The following TNS3 variants were observed in gnomAD, a reference collection of about 807,000 sequenced individuals.
TNS3 encodes the protein tensin 3.
In TNS3, 45 loss-of-function variants were observed where a neutral mutation model predicts 140.9. The observed-to-expected ratio is 0.32, with a 90% CI of 0.25 to 0.41. TNS3 has a LOEUF of 0.41. Among genes scored for constraint, TNS3 ranks in the 10% least tolerant of loss-of-function variants. The probability of loss-of-function intolerance (pLI) is 1.00; values close to 1 mark genes in which losing one functional copy is unlikely to be tolerated. For missense variants in TNS3, 1,716 were observed against 1,906.7 expected (o/e 0.90, Z 1.86); for synonymous variants, 815 against 788.4 (o/e 1.03, Z -0.56).
chr7:47,400,309 C>A, intron 15 of TNS3, 84 bp downstream of exon 15: 1 of 1,084,644 alleles, frequency 9.2e-7, no homozygotes. Flanking sequence ...AGGCAGGAGA[C>A]TAGTACTACA....
At chr7:47,344,863 G>A in intron 19 of TNS3, 25 bp from the exon 20 acceptor site, 1 of 1,613,648 alleles carries the variant, frequency 6.2e-7, no homozygotes, top group Non-Finnish European at 8.5e-7. Context: ...AGAGCAAGGG[G>A]CTGTTGTCAC....
chr7:47,326,288 C>CAA lies in TNS3; in HGVS notation c.2650+18466_2650+18467insTT, dbSNP rs550569076. Among the ~76,000 whole-genome samples, 800 of 152,238 alleles carry CAA rather than the reference C, an allele frequency of 5.3e-3. 7 individuals are homozygous for CAA. Among genetic ancestry groups the CAA allele is most frequent in the Non-Finnish European group, 9.4e-3 (636 of 68,012 alleles). On this transcript the variant is annotated intron_variant, in intron 20 of 30. Coordinates refer to ENST00000311160, the MANE Select transcript of TNS3 (RefSeq NM_022748.12). ...GCAAATCATCTTATGGATGAGGAAA[C>CAA]AGATTCTGAAAAGTGAGGTTAAGAA...
chr7:47,411,437 C>T (rs184167947), intron 13 of TNS3, among the ~76,000 whole-genome samples: 41 of 152,240 alleles, frequency 2.7e-4, no homozygotes, highest in African/African-American at 9.6e-4. Flanking sequence ...ACACAGTTCA[C>T]AATAGGGTTC....
intron 4 of TNS3, among the ~76,000 whole-genome samples, chr7:47,478,673 A>G (rs906537172): frequency 5.3e-5 from 8 of 152,152 alleles, no homozygotes; most frequent in African/African-American, 1.9e-4. Context: ...ATACACTCAC[A>G]TATAAAGACT....
intron 8 of TNS3, among the ~76,000 whole-genome samples, 200 bp from the exon 9 acceptor site, chr7:47,428,576 G>A (rs1481135975): frequency 1.3e-5 from 2 of 152,196 alleles, no homozygotes; most frequent in Non-Finnish European, 2.9e-5. Flanking sequence ...CCCGCACGCT[G>A]GGTGCAAACA....
chr7:47,438,274 G>C (rs1795289612), intron 6 of TNS3, among the ~76,000 whole-genome samples: 1 of 152,168 alleles, frequency 6.6e-6, no homozygotes, highest in South Asian at 2.1e-4. Context: ...CATTTTGCAG[G>C]GAGAGCTCTG....
At chr7:47,532,666 G>A (rs1799451276) in intron 1 of TNS3, among the ~76,000 whole-genome samples, 1 of 152,154 alleles carries the variant, frequency 6.6e-6, no homozygotes, top group Admixed American at 6.5e-5. Flanking sequence ...TTCCCCGTCT[G>A]CCTATCTCAT....
intron 4 of TNS3, among the ~76,000 whole-genome samples, chr7:47,446,601 A>G (rs1159991364): frequency 2.0e-5 from 3 of 151,682 alleles, no homozygotes; most frequent in African/African-American, 7.3e-5. Flanking sequence ...AATAAGAGAA[A>G]GAGAAAAGGG....
rs1231145462 is a variant in TNS3, at chr7:47,368,828, A to T, written c.1818T>A (p.Asp606Glu). 4 of 1,612,712 alleles carry T rather than the reference A, an allele frequency of 2.5e-6. No individual in the cohort carries two copies. Among genetic ancestry groups the T allele is most frequent in the Non-Finnish European group, 3.4e-6 (4 of 1,179,682 alleles). The stretch of plus-strand genomic sequence containing the variant: ...AGCGGCTCACCAGCCGGGCCTCCCC[A>T]TCTGGGGCGAAGCTATACTGGTGAG... ...VVAHQYSFAP[D>E]GEARLVSRCP... Residue 606 changes from aspartate to glutamate, a missense_variant, in exon 17 of 31, where the codon GAT (aspartate) becomes GAA (glutamate). This residue lies in a region of TNS3 where 1,163 missense variants were observed against 1,182.1 expected (regional missense o/e 0.98). Coordinates refer to ENST00000311160, the MANE Select transcript of TNS3 (RefSeq NM_022748.12).
intron 1 of TNS3, among the ~76,000 whole-genome samples, chr7:47,562,442 A>C (rs1458671061): frequency 6.6e-6 from 1 of 150,878 alleles, no homozygotes; most frequent in Non-Finnish European, 1.5e-5. Context: ...TCTGGAGTGC[A>C]ATGGCGCTAT....
chr7:47,384,579 T>C lies in TNS3; in HGVS notation c.1024+12221A>G, dbSNP rs117086312. Among the ~76,000 whole-genome samples the C allele has an allele frequency of 6.2e-4, 94 of 152,348 alleles. No individual in the cohort carries two copies. The East Asian group carries it at 0.018, about 29-fold the overall frequency. On this transcript the variant is annotated intron_variant, in intron 16 of 30. Coordinates refer to ENST00000311160, the MANE Select transcript of TNS3 (RefSeq NM_022748.12). ...ACTTTCTTTGGTTTGACTTTAGAAT[T>C]TCTCATGACATACCCTCAACTTCCA...
chr7:47,322,018 GGA>G (rs950494930), intron 20 of TNS3, among the ~76,000 whole-genome samples: 12 of 152,190 alleles, frequency 7.9e-5, no homozygotes, highest in Middle Eastern at 3.4e-3. Context: ...CCTGGAAGGA[GGA>G]GTCTCATTGG....
intron 20 of TNS3, among the ~76,000 whole-genome samples, chr7:47,335,815 C>T (rs1181654744): frequency 1.3e-5 from 2 of 152,138 alleles, no homozygotes; most frequent in Non-Finnish European, 2.9e-5. Context: ...TACTGTTGTA[C>T]AGGACATGAA....
At chr7:47,446,661 T>TGCAAAGCAAA (rs3037443) in intron 4 of TNS3, among the ~76,000 whole-genome samples, 1 of 144,334 alleles carries the variant, frequency 6.9e-6, no homozygotes, top group Non-Finnish European at 1.5e-5. Flanking sequence ...AAGGTAAGCC[T>TGCAAAGCAAA]GCAAAGACCG....
At chr7:47,288,257 T>C (rs1785521262) in intron 27 of TNS3, among the ~76,000 whole-genome samples, 1 of 152,140 alleles carries the variant, frequency 6.6e-6, no homozygotes, top group South Asian at 2.1e-4. Flanking sequence ...ACTTGGGTCC[T>C]CTGTCTATGA....
At chr7:47,415,840 C>T (rs1176814969) in intron 10 of TNS3, among the ~76,000 whole-genome samples, 1 of 152,258 alleles carries the variant, frequency 6.6e-6, no homozygotes, top group African/African-American at 2.4e-5. Context: ...CCTCATGCTT[C>T]CAACACTGAC....
At position 47,278,182 on chromosome 7, in the gene TNS3, G is replaced by A. The variant is rs1043618337; in HGVS notation, c.4232C>T (p.Thr1411Met). ...GFVARKQGSA[T>M]DNVCHLFAEH... ...TGCAAACAGGTGGCACACATTATCC[G>A]TGGCACTGCCCTGCTTCCGGGCCAC... The change falls in exon 31 of 31, where the codon ACG becomes ATG. Residue 1411 changes from threonine (T) to methionine (M), a missense_variant. Transcript: ENST00000311160. 9.9e-6 allele frequency: 16 copies of A among 1,614,136 alleles called. No individual in the cohort carries two copies. In the East Asian group the frequency reaches 1.3e-4, roughly 13 times the overall value.
At chr7:47,470,483 T>G in intron 4 of TNS3, 1 of 985,482 alleles carries the variant, frequency 1.0e-6, no homozygotes, top group Non-Finnish European at 1.2e-6. Context: ...GTCATCAGAC[T>G]TGGCAGCATT....
intron 4 of TNS3, among the ~76,000 whole-genome samples, chr7:47,450,159 G>C (rs1795950246): frequency 6.6e-6 from 1 of 152,186 alleles, no homozygotes; most frequent in African/African-American, 2.4e-5. Flanking sequence ...ATCTGAAGAG[G>C]CATGAGGATG....
Sources: gnomAD v4.1 joint callset for allele counts (sites outside exome capture counted in the v4.1 genomes callset) on GRCh38, gnomAD v4.1.1 for gene constraint, gnomAD v4.1.1 regional missense constraint, MANE v1.5 for transcripts, NCBI Gene and HGNC (gene_info 2026-07-23, HGNC 2026-07-21) for gene names.